The following PRKN variants were observed in gnomAD, a reference collection of about 807,000 sequenced individuals.
PRKN encodes E3 ubiquitin-protein ligase parkin.
A neutral mutation model predicts 59.5 loss-of-function variants in PRKN; 56 were observed. That is an observed-to-expected ratio of 0.94 (90% CI 0.76 to 1.18). The LOEUF is 1.18. Among genes scored for constraint, PRKN ranks in the 50% most tolerant of loss-of-function variants. The pLI is 0.00. For synonymous variants in PRKN, 250 were observed against 222.1 expected (o/e 1.13, Z -1.12); for missense variants, 657 against 596.4 (o/e 1.10, Z -1.06).
At chr6:161,813,416 G>A (rs1285508350) in intron 6 of PRKN, among the ~76,000 whole-genome samples, 1 of 152,162 alleles carries the variant, frequency 6.6e-6, no homozygotes, top group African/African-American at 2.4e-5. Context: ...CCACATGGGT[G>A]GGACTCGGGG....
chr6:161,770,691 C>T (rs376138519), intron 7 of PRKN, among the ~76,000 whole-genome samples: 15 of 152,106 alleles, frequency 9.9e-5, no homozygotes, highest in African/African-American at 3.6e-4. Flanking sequence ...TGGTCTTGAA[C>T]TCCTGACCTC....
intron 7 of PRKN, among the ~76,000 whole-genome samples, chr6:161,711,747 C>T (rs182472884): frequency 9.7e-4 from 147 of 152,296 alleles, no homozygotes; most frequent in African/African-American, 3.5e-3. Flanking sequence ...AAGGCAGCAG[C>T]AGAAGATGGA....
intron 1 of PRKN, among the ~76,000 whole-genome samples, chr6:162,537,461 T>C (rs977419173): frequency 3.3e-5 from 5 of 152,148 alleles, no homozygotes; most frequent in African/African-American, 4.8e-5. Flanking sequence ...CCTGGCATAA[T>C]GGTCTTGAAC....
chr6:162,419,665 G>A (rs543035587), intron 2 of PRKN, among the ~76,000 whole-genome samples: 4 of 152,038 alleles, frequency 2.6e-5, no homozygotes, highest in African/African-American at 9.7e-5. Context: ...GAGGTTAGGG[G>A]GATTTTACTT....
intron 1 of PRKN, among the ~76,000 whole-genome samples, chr6:162,524,513 G>A (rs1331191569): frequency 6.6e-6 from 1 of 152,144 alleles, no homozygotes; most frequent in Non-Finnish European, 1.5e-5. Flanking sequence ...ATAATGCATG[G>A]ACCTTGGTTT....
chr6:162,723,276 GAGA>G (rs796577719), intron 1 of PRKN, among the ~76,000 whole-genome samples: 5 of 152,322 alleles, frequency 3.3e-5, no homozygotes, highest in African/African-American at 1.2e-4. Context: ...AGATGAGAAT[GAGA>G]AGTTTTCTTC....
At chr6:161,877,576 C>T (rs931348604) in intron 6 of PRKN, among the ~76,000 whole-genome samples, 5 of 151,506 alleles carry the variant, frequency 3.3e-5, no homozygotes, top group Non-Finnish European at 7.4e-5. Flanking sequence ...TCTCCTGCCT[C>T]GGCCTCTTGA....
At chr6:162,516,941 G>T (rs979653267) in intron 1 of PRKN, among the ~76,000 whole-genome samples, 5 of 151,994 alleles carry the variant, frequency 3.3e-5, no homozygotes, top group African/African-American at 1.2e-4. Context: ...AGTAAGCAAG[G>T]CAGTGACTAT....
intron 1 of PRKN, among the ~76,000 whole-genome samples, chr6:162,534,551 T>C (rs1778640533): frequency 6.6e-6 from 1 of 152,066 alleles, no homozygotes; most frequent in Non-Finnish European, 1.5e-5. Flanking sequence ...TTGCACAGAG[T>C]AGTTATTCAA....
intron 10 of PRKN, among the ~76,000 whole-genome samples, chr6:161,374,657 GTGA>G (rs1375432820): frequency 3.0e-5 from 4 of 133,012 alleles, no homozygotes; most frequent in Non-Finnish European, 6.5e-5. Context: ...GTGTGTATGT[GTGA>G]TGTGTGTTAT....
At chr6:161,469,320 G>A (rs187826691) in intron 9 of PRKN, among the ~76,000 whole-genome samples, 168 of 152,240 alleles carry the variant, frequency 1.1e-3, no homozygotes, top group Non-Finnish European at 2.1e-3. Context: ...CTGTGAAGAG[G>A]TGCCTTCCGC....
At chr6:161,763,214 T>C (rs370791014) in intron 7 of PRKN, among the ~76,000 whole-genome samples, 49 of 152,170 alleles carry the variant, frequency 3.2e-4, no homozygotes, top group African/African-American at 1.1e-3. Flanking sequence ...CGTGCGACTC[T>C]CTGTAAGCTT....
At chr6:162,527,552 G>A (rs1411321385) in intron 1 of PRKN, among the ~76,000 whole-genome samples, 1 of 152,138 alleles carries the variant, frequency 6.6e-6, no homozygotes, top group Admixed American at 6.5e-5. Flanking sequence ...TAGGTTTCTA[G>A]GTTTCTAGAT....
chr6:161,438,215 A>ATTTTTTTTTTT (rs34955373), intron 9 of PRKN, among the ~76,000 whole-genome samples: 2 of 112,440 alleles, frequency 1.8e-5, no homozygotes, highest in African/African-American at 3.6e-5. Context: ...AATTCTGTTA[A>ATTTTTTTTTTT]TTTTTTTTTT....
chr6:162,075,772 C>A (rs1778796300), intron 4 of PRKN, among the ~76,000 whole-genome samples: 1 of 151,904 alleles, frequency 6.6e-6, no homozygotes, highest in Non-Finnish European at 1.5e-5. Flanking sequence ...AGAACTTAGG[C>A]CCCCCAGTGA....
At chr6:162,177,812 AAAT>A in intron 4 of PRKN, among the ~76,000 whole-genome samples, 1 of 152,296 alleles carries the variant, frequency 6.6e-6, no homozygotes, top group Non-Finnish European at 1.5e-5. Context: ...CAGATTAAAA[AAAT>A]AAATAAAGAG....
chr6:161,991,962 T>C (rs908978547), intron 5 of PRKN, among the ~76,000 whole-genome samples: 1 of 152,146 alleles, frequency 6.6e-6, no homozygotes, highest in Non-Finnish European at 1.5e-5. Flanking sequence ...GAAAAAGTCA[T>C]TCCATACAAA....
intron 5 of PRKN, among the ~76,000 whole-genome samples, chr6:162,005,050 A>G (rs1445199561): frequency 6.6e-6 from 1 of 152,242 alleles, no homozygotes; most frequent in Non-Finnish European, 1.5e-5. Context: ...TTAAAATGAA[A>G]TGAATCTCAG....
At chr6:162,696,308 C>T (rs941132544) in intron 1 of PRKN, among the ~76,000 whole-genome samples, 9 of 152,076 alleles carry the variant, frequency 5.9e-5, no homozygotes, top group Non-Finnish European at 1.0e-4. Context: ...TGTGCTTCCC[C>T]CTGCCTGAGA....
Sources: gnomAD v4.1 joint callset for allele counts (sites outside exome capture counted in the v4.1 genomes callset) on GRCh38, gnomAD v4.1.1 for gene constraint, MANE v1.5 for transcripts, NCBI Gene and HGNC (gene_info 2026-07-23, HGNC 2026-07-21) for gene names.